DPP6: variants seen among roughly 807,000 people sequenced by gnomAD.
The protein encoded by DPP6 is dipeptidyl peptidase like 6, also known as A-type potassium channel modulatory protein DPP6.
DPP6 carries 69 observed loss-of-function variants against 122.6 expected under a neutral mutation model. The observed-to-expected ratio is 0.56, with a 90% CI of 0.46 to 0.69. The LOEUF is 0.69. Among genes scored for constraint, DPP6 ranks in the 30% least tolerant of loss-of-function variants. The pLI, the probability that DPP6 is intolerant of heterozygous loss-of-function variation, is 0.00. For synonymous variants in DPP6, 418 were observed against 433.1 expected (o/e 0.97, Z 0.43); for missense variants, 928 against 1,116.9 (o/e 0.83, Z 2.41).
the DPP6 span, among the ~76,000 whole-genome samples, chr7:153,820,139 G>A: frequency 6.6e-6 from 1 of 152,148 alleles, no homozygotes; most frequent in African/African-American, 2.4e-5. Context: ...TTTCCAAAGA[G>A]GTTCCTTTGT....
intron 1 of DPP6, among the ~76,000 whole-genome samples, chr7:154,053,459 G>A (rs1281056014): frequency 2.0e-5 from 3 of 150,920 alleles, no homozygotes; most frequent in Non-Finnish European, 3.0e-5. Flanking sequence ...TTCGTGCTCC[G>A]GGAACACAGC....
chr7:154,827,378 G>A (rs910187939), intron 16 of DPP6, among the ~76,000 whole-genome samples: 1 of 151,468 alleles, frequency 6.6e-6, no homozygotes, highest in African/African-American at 2.4e-5. Context: ...CAGTCTCAAA[G>A]CCTTTAGCTG....
intron 7 of DPP6, among the ~76,000 whole-genome samples, chr7:154,693,458 G>A (rs1840043667): frequency 6.6e-6 from 1 of 152,126 alleles, no homozygotes; most frequent in Non-Finnish European, 1.5e-5. Flanking sequence ...TTCCAGAAGT[G>A]CTAATTACCA....
Position 154,385,216 on chromosome 7 carries a change from G to A in DPP6, c.244-60998G>A, listed in dbSNP as rs186063714. ...GATCTCCTGACCTCATGATCCGCCC[G>A]CCTCGGCCTCCCAATTTTTTTTCTT... is the stretch of plus-strand genomic sequence containing the variant. On this transcript the variant is annotated intron_variant, in intron 1 of 25. Transcript: ENST00000377770. Among the ~76,000 whole-genome samples, 477 of 152,188 alleles carry A rather than the reference G, an allele frequency of 3.1e-3. 4 individuals carry two copies. The highest frequency in any genetic ancestry group is 4.5e-3 in the Admixed American group (69 of 15,282).
At chr7:154,109,159 A>G (rs1435595953) in intron 1 of DPP6, among the ~76,000 whole-genome samples, 1 of 152,294 alleles carries the variant, frequency 6.6e-6, no homozygotes, top group Non-Finnish European at 1.5e-5. Flanking sequence ...ATGTTTTGGT[A>G]CCTGTATGCA....
intron 3 of DPP6, among the ~76,000 whole-genome samples, chr7:154,534,966 A>C (rs1828116186): frequency 6.6e-6 from 1 of 151,354 alleles, no homozygotes; most frequent in Admixed American, 6.6e-5. Flanking sequence ...TTCAAGACTT[A>C]CTCTAAAGTT....
At chr7:154,043,045 G>GT (rs909974714) in intron 1 of DPP6, among the ~76,000 whole-genome samples, 7 of 152,152 alleles carry the variant, frequency 4.6e-5, no homozygotes, top group African/African-American at 1.7e-4. Flanking sequence ...TAGGCTTGAA[G>GT]TTTTTTGATT....
At chr7:153,973,705 C>T (rs1262947195) in intron 1 of DPP6, among the ~76,000 whole-genome samples, 4 of 148,604 alleles carry the variant, frequency 2.7e-5, no homozygotes, top group African/African-American at 9.9e-5. Context: ...AGTCTCTTCT[C>T]GTATTGCTCC....
At chr7:153,755,037 T>G in the DPP6 span, among the ~76,000 whole-genome samples, 2 of 148,278 alleles carry the variant, frequency 1.3e-5, no homozygotes, top group Non-Finnish European at 3.0e-5. Flanking sequence ...TATTTTCTTC[T>G]CGAAATTGGA....
chr7:154,293,508 A>T (rs981282274), intron 1 of DPP6, among the ~76,000 whole-genome samples: 3 of 152,174 alleles, frequency 2.0e-5, no homozygotes, highest in Non-Finnish European at 2.9e-5. Context: ...GCCTCCCCCC[A>T]TCAACTCCTT....
At chr7:154,480,666 A>G (rs1246566123) in intron 3 of DPP6, among the ~76,000 whole-genome samples, 1 of 152,058 alleles carries the variant, frequency 6.6e-6, no homozygotes, top group Non-Finnish European at 1.5e-5. Context: ...AGTTTTAAAT[A>G]TCCTCCATTT....
chr7:153,839,343 C>T, the DPP6 span, among the ~76,000 whole-genome samples: 1 of 152,178 alleles, frequency 6.6e-6, no homozygotes, highest in Non-Finnish European at 1.5e-5. Flanking sequence ...CCTTAGTGGT[C>T]CCTTCGAGGT....
chr7:154,252,239 C>T (rs765038637), intron 1 of DPP6, among the ~76,000 whole-genome samples: 24 of 121,746 alleles, frequency 2.0e-4, no homozygotes, highest in East Asian at 6.5e-4. Flanking sequence ...TGTGTGTGCG[C>T]GCATGCGCAC....
At chr7:154,462,617 CAGTGATTATAAATTG>C (rs1292857862) in intron 2 of DPP6, among the ~76,000 whole-genome samples, 1 of 151,856 alleles carries the variant, frequency 6.6e-6, no homozygotes, top group Non-Finnish European at 1.5e-5. Flanking sequence ...ATTTTATTTG[CAGTGATTATAAATTG>C]AATTACTTTC....
At chr7:153,970,481 G>A (rs771031037) in intron 1 of DPP6, among the ~76,000 whole-genome samples, 4 of 152,120 alleles carry the variant, frequency 2.6e-5, no homozygotes, top group South Asian at 2.1e-4. Context: ...TTGAAGAGCC[G>A]AGTCTTTTAA....
At chr7:154,149,840 C>A (rs1452266607) in intron 1 of DPP6, among the ~76,000 whole-genome samples, 1 of 151,990 alleles carries the variant, frequency 6.6e-6, no homozygotes, top group Non-Finnish European at 1.5e-5. Context: ...CACCGTGGTA[C>A]CCCCCGCTCC....
intron 1 of DPP6, among the ~76,000 whole-genome samples, chr7:153,981,140 G>A (rs1796564351): frequency 6.6e-6 from 1 of 152,192 alleles, no homozygotes; most frequent in Non-Finnish European, 1.5e-5. Context: ...AATATTGACA[G>A]TGAGATGTTG....
At chr7:154,664,668 T>C (rs757081830) in intron 6 of DPP6, among the ~76,000 whole-genome samples, 6 of 152,134 alleles carry the variant, frequency 3.9e-5, no homozygotes, top group African/African-American at 2.4e-5. Flanking sequence ...TTTTTTTTTT[T>C]TTCAGTTTTT....
intron 1 of DPP6, among the ~76,000 whole-genome samples, chr7:153,962,415 C>T (rs1387988088): frequency 1.3e-5 from 2 of 152,148 alleles, no homozygotes; most frequent in East Asian, 1.9e-4. Context: ...TTCAAGTTCT[C>T]GTCTTTTGTG....
Sources: gnomAD v4.1 joint callset for allele counts (sites outside exome capture counted in the v4.1 genomes callset) on GRCh38, gnomAD v4.1.1 for gene constraint, MANE v1.5 for transcripts, NCBI Gene and HGNC (gene_info 2026-07-23, HGNC 2026-07-21) for gene names.